Variants in ZNF282 observed in about 807,000 individuals in gnomAD.
ZNF282 encodes HTLV-I U5 repressive element-binding protein 1.
ZNF282 carries 30 observed loss-of-function variants against 61.9 expected under a neutral mutation model. The observed-to-expected ratio is 0.48, with a 90% confidence interval of 0.36 to 0.66. The LOEUF (loss-of-function observed/expected upper bound fraction) is 0.66. Ranked by LOEUF, ZNF282 falls within the 30% of genes least tolerant of loss-of-function variation. The pLI is 0.00. For synonymous variants in ZNF282, 396 were observed against 405.0 expected, an observed-to-expected ratio of 0.98 and a Z score of 0.27; for missense variants, 788 against 941.4, an observed-to-expected ratio of 0.84 and a Z score of 2.13.
chr7:149,218,055 A>G (rs1476401321), intron 7 of ZNF282, among the ~76,000 whole-genome samples: 1 of 150,720 alleles, frequency 6.6e-6, no homozygotes, highest in Non-Finnish European at 1.5e-5. Context: ...TTGCAGTGAG[A>G]TCATGCCACT....
chr7:149,223,730 C>G, intron 7 of ZNF282, 82 bp from the exon 8 acceptor site: 1 of 1,355,080 alleles, frequency 7.4e-7, no homozygotes, highest in Non-Finnish European at 9.5e-7. Context: ...AGATAGCATG[C>G]TCCCTGGGCC....
intron 4 of ZNF282, among the ~76,000 whole-genome samples, chr7:149,207,917 G>A (rs1796023764): frequency 6.6e-6 from 1 of 152,194 alleles, no homozygotes; most frequent in Non-Finnish European, 1.5e-5. Flanking sequence ...CTCACCTGCA[G>A]GCTCGCCCTG....
chr7:149,195,549 C>G lies in ZNF282; in HGVS notation c.-41C>G. 6.2e-7 allele frequency: 1 copy of G among 1,600,024 alleles called. No individual in the cohort carries two copies. Among genetic ancestry groups the G allele is most frequent in the Non-Finnish European group, 8.5e-7 (1 of 1,174,864 alleles). ...GGGAAGGCGCCTGGAAAACGTTCTT[C>G]TTCTCCCTGGCCGACCCGAGCGGGG... is the stretch of plus-strand genomic sequence containing the variant. On this transcript the variant is annotated 5_prime_UTR_variant, in exon 1 of 8. Coordinates refer to ENST00000610704, the MANE Select transcript of ZNF282 (RefSeq NM_003575.4).
At chr7:149,202,717 C>T (rs1795930748) in intron 2 of ZNF282, among the ~76,000 whole-genome samples, 1 of 152,318 alleles carries the variant, frequency 6.6e-6, no homozygotes, top group African/African-American at 2.4e-5. Flanking sequence ...TCCCAAAGTG[C>T]TGGGATTACA....
rs1270699227 is a variant in ZNF282 at position 149,225,682 on chromosome 7, C to G, written c.*1035C>G. 1 of 152,778 alleles carries G rather than the reference C, an allele frequency of 6.5e-6. No individual in the cohort carries two copies. Among genetic ancestry groups the G allele is most frequent in the African/African-American group, 2.4e-5 (1 of 41,444 alleles). The allele number at this position is 152,778 out of a possible 1,614,324, so 9.5% of individuals were successfully genotyped here. On this transcript the variant is annotated 3_prime_UTR_variant, in exon 8 of 8. Coordinates refer to ENST00000610704, the MANE Select transcript of ZNF282 (RefSeq NM_003575.4). ...GAGAGTAGCCGTCACGTGTCTCTTC[C>G]CAGCAGCGCCGGGCAAGTGGGTGCT...
At chr7:149,204,935 G>A (rs913079202) in intron 2 of ZNF282, among the ~76,000 whole-genome samples, 2 of 152,090 alleles carry the variant, frequency 1.3e-5, no homozygotes, top group Non-Finnish European at 2.9e-5. Context: ...TGGCTAACAT[G>A]GTGAAACCCT....
Position 149,195,719 on chromosome 7 carries a change from C to A in ZNF282, c.130C>A (p.Arg44Ser). 6.5e-7 allele frequency: 1 copy of A among 1,545,210 alleles called. No individual in the cohort carries two copies. The highest frequency in any genetic ancestry group is 8.7e-7 in the Non-Finnish European group (1 of 1,146,802). ...EEVCHQEPAL[R>S]GEMAEGMPPM... ...GGTCTGCCACCAGGAGCCGGCGCTGCGCGGGGAAATGGCCGAGGGAATGCC... is the reference window on the plus strand; with the variant it reads ...GGTCTGCCACCAGGAGCCGGCGCTGAGCGGGGAAATGGCCGAGGGAATGCC... Residue 44 changes from arginine (R) to serine (S), a missense_variant, in exon 1 of 8, where the codon CGC becomes AGC. Physicochemically the swap from Arg to Ser is moderately radical, Grantham distance 110. Around this residue, in one of 3 missense-constraint regions of ZNF282, gnomAD observed 137 missense variants for 135.4 expected, o/e 1.01. Transcript: ENST00000610704.
intron 7 of ZNF282, among the ~76,000 whole-genome samples, chr7:149,215,779 A>C (rs1796153106): frequency 1.3e-5 from 2 of 152,238 alleles, no homozygotes; most frequent in South Asian, 4.1e-4. Context: ...GAGCACCGGA[A>C]GAAAGCCAAC....
chr7:149,223,831 G>A lies in ZNF282; in HGVS notation c.1200G>A (p.Val400=). ...DSGPSDSLLM[V]KNPPPAPPQP... ...CCCCAGGTGACAGCCTGCTGATGGT[G>A]AAGAACCCACCCCCGGCCCCGCCAC... Residue 400 remains valine, a synonymous_variant, in exon 8 of 8, where the codon GTG becomes GTA. Coordinates refer to ENST00000610704, the MANE Select transcript of ZNF282 (RefSeq NM_003575.4). The A allele has an allele frequency of 6.8e-7, 1 of 1,472,318 alleles. No homozygotes were observed. Among genetic ancestry groups the A allele is most frequent in the Non-Finnish European group, 8.9e-7 (1 of 1,118,060 alleles). 91.2% of individuals were successfully genotyped at this position (1,472,318 alleles called of 1,614,324 possible). A position where few individuals can be genotyped will look rare whatever the true frequency, so the allele number is the denominator to read the frequency against.
At position 149,224,396 on chromosome 7, in the gene ZNF282, C is replaced by T. The variant is rs139582643; in HGVS notation, c.1765C>T (p.Leu589=). 8.7e-6 allele frequency: 14 copies of T among 1,613,946 alleles called. No homozygotes were observed. The highest frequency in any genetic ancestry group is 1.6e-4 in the Middle Eastern group (1 of 6,084). ...GAAGACCTACAGCCGTAAGGAGCAC[C>T]TGCAGAACCACCAGCGGCTGCACAC... is the stretch of plus-strand genomic sequence containing the variant. ...CEKTYSRKEH[L]QNHQRLHTGE... The change falls in exon 8 of 8, where the codon CTG becomes TTG. Residue 589 remains leucine (L), a synonymous_variant. Transcript: ENST00000610704.
In ZNF282 at chr7:149,198,338, A is replaced by G. The variant is rs746131033; in HGVS notation, c.171A>G (p.Gln57=). ...MAEGMPPMQA[Q]EWDMDARRPM... The stretch of plus-strand genomic sequence containing the variant: ...CTTTCTCCCTCTGCATACAGGCTCA[A>G]GAATGGGACATGGACGCCCGGCGGC... Residue 57 remains glutamine, a synonymous_variant, in exon 2 of 8, where the codon CAA becomes CAG. Transcript: ENST00000610704. The surrounding 1 kb of genome is among the most constrained non-coding windows in gnomAD (Gnocchi z 4.3). 6.2e-7 allele frequency: 1 copy of G among 1,605,094 alleles called. No homozygotes were observed. The highest frequency in any genetic ancestry group is 8.5e-7 in the Non-Finnish European group (1 of 1,174,448).
chr7:149,207,844 C>T (rs1036927333), intron 4 of ZNF282, among the ~76,000 whole-genome samples: 3 of 152,210 alleles, frequency 2.0e-5, no homozygotes, highest in Non-Finnish European at 4.4e-5. Flanking sequence ...CGCCCCGGCC[C>T]GTCGCTTATT....
At chr7:149,200,648 T>C (rs1563174728) in intron 2 of ZNF282, among the ~76,000 whole-genome samples, 1 of 152,134 alleles carries the variant, frequency 6.6e-6, no homozygotes, top group African/African-American at 2.4e-5. Context: ...CAGACTGGAG[T>C]GCAGTGACGT....
At chr7:149,197,879 A>G (rs1795843371) in intron 1 of ZNF282, among the ~76,000 whole-genome samples, 1 of 152,212 alleles carries the variant, frequency 6.6e-6, no homozygotes, top group Non-Finnish European at 1.5e-5. Flanking sequence ...CATCATCTTT[A>G]AGGCAGAGAT....
chr7:149,208,222 T>C (rs1212904), intron 4 of ZNF282, among the ~76,000 whole-genome samples: 125,312 of 152,112 alleles, frequency 0.82, 52,520 homozygotes, highest in East Asian at 0.97. Context: ...CAGAGTCTCA[T>C]TCTGTGGTTC....
At position 149,225,158 on chromosome 7, in the gene ZNF282, C is replaced by T. The variant is rs1475557569; in HGVS notation, c.*511C>T. The T allele has an allele frequency of 1.3e-5, 2 of 158,916 alleles. No homozygotes were observed. The highest frequency in any genetic ancestry group is 2.8e-5 in the Non-Finnish European group (2 of 71,706). 9.8% of individuals were successfully genotyped at this position (158,916 alleles called of 1,614,324 possible). On this transcript the variant is annotated 3_prime_UTR_variant, in exon 8 of 8. Coordinates refer to ENST00000610704, the MANE Select transcript of ZNF282 (RefSeq NM_003575.4). ...GTTATCCATTTCACCCTTGGCCTAT[C>T]CCTCTCAGATAGGTGGGGTAGGATT...
intron 4 of ZNF282, among the ~76,000 whole-genome samples, chr7:149,208,532 AT>A (rs1796033128): frequency 6.6e-6 from 1 of 151,504 alleles, no homozygotes; most frequent in South Asian, 2.1e-4. Flanking sequence ...AGTGGAGAAC[AT>A]TTTCCTGAAA....
chr7:149,198,639 C>A lies in ZNF282; in HGVS notation c.472C>A (p.Leu158Met). 3.1e-6 allele frequency: 5 copies of A among 1,614,148 alleles called. No individual in the cohort carries two copies. Among genetic ancestry groups the A allele is most frequent in the Non-Finnish European group, 4.2e-6 (5 of 1,180,030 alleles). ...ESKWAVLGTL[L>M]QEYGLLQRRL... Reference sequence around the variant, plus strand: ...CAAGTGGGCCGTGCTGGGGACCCTGCTGCAGGAGTACGGGCTGCTGCAGAG... The same window carrying A: ...CAAGTGGGCCGTGCTGGGGACCCTGATGCAGGAGTACGGGCTGCTGCAGAG... The change falls in exon 2 of 8, where the codon CTG becomes ATG. Residue 158 changes from leucine (L) to methionine (M), a missense_variant. By Grantham distance (15) the Leu-to-Met change is conservative. Coordinates refer to ENST00000610704, the MANE Select transcript of ZNF282 (RefSeq NM_003575.4). This position sits in a 1 kb window ranked among gnomAD's most constrained non-coding sequence, Gnocchi z 4.3.
In ZNF282 at chr7:149,224,679, AGTGGATCGG is replaced by A. The variant is rs1487707319; in HGVS notation, c.*34_*42del. ...GCTGGGGGAGGGCAGGGCCGGACGG[AGTGGATCGG>A]GGGCGGCCTGAGCACCAACCACCTT... On this transcript the variant is annotated 3_prime_UTR_variant, in exon 8 of 8. Transcript: ENST00000610704. 1.2e-5 allele frequency: 18 copies of A among 1,466,800 alleles called. No homozygotes were observed. The Middle Eastern group carries it at 6.0e-4, about 49-fold the overall frequency. 90.9% of individuals were successfully genotyped at this position (1,466,800 alleles called of 1,614,324 possible).
Sources: gnomAD v4.1 joint callset for allele counts (sites outside exome capture counted in the v4.1 genomes callset) on GRCh38, gnomAD v4.1.1 for gene constraint, gnomAD v4.1.1 regional missense constraint, Gnocchi (gnomAD v3.1) non-coding constraint, MANE v1.5 for transcripts, NCBI Gene and HGNC (gene_info 2026-07-23, HGNC 2026-07-21) for gene names.